MEI1: variants seen among roughly 807,000 people sequenced by gnomAD.
MEI1 encodes the protein meiotic double-stranded break formation protein 1, also known as meiosis inhibitor protein 1.
Under a neutral mutation model 146.2 loss-of-function variants are expected in MEI1, and 103 were observed. That is an observed-to-expected ratio of 0.70 (90% CI 0.60 to 0.83). The LOEUF (loss-of-function observed/expected upper bound fraction) is 0.83, where lower values mean the gene tolerates loss of function less well. Among genes scored for constraint, MEI1 ranks in the 40% least tolerant of loss-of-function variants. The probability of loss-of-function intolerance (pLI) is 0.00; values close to 1 mark genes in which losing one functional copy is unlikely to be tolerated. For missense variants in MEI1, 1,529 were observed against 1,533.0 expected, an observed-to-expected ratio of 1.00 and a Z score of 0.04; for synonymous variants, 652 against 628.2, an observed-to-expected ratio of 1.04 and a Z score of -0.57.
intron 17 of MEI1, 40 bp downstream of exon 17, chr22:41,754,086 G>A (rs774920697): frequency 5.3e-5 from 76 of 1,446,532 alleles, no homozygotes; most frequent in Non-Finnish European, 7.2e-5. Context: ...GGCCTGTGCT[G>A]GTCTTTAGAG....
intron 12 of MEI1, among the ~76,000 whole-genome samples, chr22:41,744,048 T>C (rs1221217007): frequency 6.6e-6 from 1 of 151,814 alleles, no homozygotes; most frequent in Non-Finnish European, 1.5e-5. Context: ...GGCTAATTTT[T>C]GTAATTTTAG....
chr22:41,721,247 T>TTTTTTTTA, intron 6 of MEI1, among the ~76,000 whole-genome samples: 1 of 140,146 alleles, frequency 7.1e-6, no homozygotes, highest in African/African-American at 2.7e-5. Context: ...CTTTTTTTTT[T>TTTTTTTTA]TTTTTTTTTT....
chr22:41,777,092 C>T (rs2075480577), intron 21 of MEI1, among the ~76,000 whole-genome samples: 1 of 151,556 alleles, frequency 6.6e-6, no homozygotes, highest in African/African-American at 2.4e-5. Context: ...GGTTGGATTA[C>T]AGGGGTGAGC....
Position 41,740,521 on chromosome 22 carries a change from C to T in MEI1, c.1332-2559C>T, listed in dbSNP as rs190768084. Among the ~76,000 whole-genome samples the T allele has an allele frequency of 1.6e-3, 245 of 152,080 alleles. 1 individual carries two copies. Among genetic ancestry groups the T allele is most frequent in the African/African-American group, 3.5e-3 (147 of 41,486 alleles). On this transcript the variant is annotated intron_variant, in intron 11 of 30. Coordinates refer to ENST00000401548, the MANE Select transcript of MEI1 (RefSeq NM_152513.4). ...CTTTGGGAGGCTGAGGCTGGAGGAT[C>T]GCTTCAGCTCAGGAATTTGAGACTA...
intron 11 of MEI1, among the ~76,000 whole-genome samples, chr22:41,738,443 TG>T (rs1157672572): frequency 6.6e-6 from 1 of 152,070 alleles, no homozygotes; most frequent in Non-Finnish European, 1.5e-5. Flanking sequence ...AAAAATTAGC[TG>T]AGCACAGTGG....
At chr22:41,774,650 A>G (rs1204610910) in intron 20 of MEI1, among the ~76,000 whole-genome samples, 1 of 152,152 alleles carries the variant, frequency 6.6e-6, no homozygotes, top group Non-Finnish European at 1.5e-5. Flanking sequence ...TTAATTTACA[A>G]CTTTATTACT....
At chr22:41,779,948 C>T (rs915166343) in intron 22 of MEI1, among the ~76,000 whole-genome samples, 1 of 152,164 alleles carries the variant, frequency 6.6e-6, no homozygotes, top group Non-Finnish European at 1.5e-5. Context: ...TTTGTGGACC[C>T]CCCAGCTCCT....
chr22:41,708,814 A>C (rs2069305585), intron 3 of MEI1, among the ~76,000 whole-genome samples: 1 of 152,204 alleles, frequency 6.6e-6, no homozygotes, highest in Admixed American at 6.5e-5. Flanking sequence ...ACTGGTAACC[A>C]ATGATTAGGG....
At chr22:41,762,709 C>T (rs568610433) in intron 18 of MEI1, among the ~76,000 whole-genome samples, 6 of 152,012 alleles carry the variant, frequency 3.9e-5, no homozygotes, top group Admixed American at 2.0e-4. Context: ...TTAGTGGTAT[C>T]TTTTAAGCAC....
intron 24 of MEI1, 24 bp from the exon 25 acceptor site, chr22:41,784,315 G>T (rs770890695): frequency 1.9e-6 from 3 of 1,607,760 alleles, no homozygotes; most frequent in Non-Finnish European, 2.6e-6. Context: ...ATGGGGGTTA[G>T]CCCTTTACCC....
intron 20 of MEI1, 83 bp downstream of exon 20, chr22:41,771,044 AC>A: frequency 6.8e-7 from 1 of 1,467,038 alleles, no homozygotes; most frequent in Non-Finnish European, 9.2e-7. Flanking sequence ...GTCAGGAGGC[AC>A]CCACATCTGC....
At chr22:41,798,396 G>A (rs1409931682) in intron 30 of MEI1, among the ~76,000 whole-genome samples, 2 of 152,088 alleles carry the variant, frequency 1.3e-5, no homozygotes, top group Admixed American at 6.6e-5. Context: ...GGCCAACATG[G>A]TGAAACCCCA....
rs372485726 is a variant in MEI1 at position 41,724,092 on chromosome 22, C to T, written c.864+19C>T. 2 of 1,613,342 alleles carry T rather than the reference C, an allele frequency of 1.2e-6. No individual in the cohort carries two copies. The highest frequency in any genetic ancestry group is 2.7e-5 in the African/African-American group (2 of 74,906). On this transcript the variant is annotated intron_variant, in intron 7 of 30. Coordinates refer to ENST00000401548, the MANE Select transcript of MEI1 (RefSeq NM_152513.4). Reference sequence around the variant, plus strand: ...CAAAAAGGTAGTTGTCTTGTGATTCCTGGTCTCTAGGTTCAATAACAAGGG... The same window carrying T: ...CAAAAAGGTAGTTGTCTTGTGATTCTTGGTCTCTAGGTTCAATAACAAGGG...
intron 18 of MEI1, among the ~76,000 whole-genome samples, chr22:41,760,761 G>A (rs1174985601): frequency 5.3e-5 from 8 of 152,196 alleles, no homozygotes; most frequent in Admixed American, 2.6e-4. Context: ...CGTGGCAGGG[G>A]CTGCATGCAC....
At chr22:41,744,023 T>C (rs1173998311) in intron 12 of MEI1, among the ~76,000 whole-genome samples, 1 of 148,564 alleles carries the variant, frequency 6.7e-6, no homozygotes, top group Non-Finnish European at 1.5e-5. Context: ...ATTACAGGCA[T>C]GCACCACCAC....
At chr22:41,773,379 G>A (rs1443472453) in intron 20 of MEI1, among the ~76,000 whole-genome samples, 1 of 152,088 alleles carries the variant, frequency 6.6e-6, no homozygotes, top group Non-Finnish European at 1.5e-5. Context: ...AACACTCTTG[G>A]TTTGCTTCAC....
intron 11 of MEI1, among the ~76,000 whole-genome samples, chr22:41,737,588 C>T (rs1336799963): frequency 6.6e-6 from 1 of 151,910 alleles, no homozygotes; most frequent in Admixed American, 6.6e-5. Flanking sequence ...GTCACCCAGG[C>T]TGGAGTGCAG....
At chr22:41,739,544 G>A (rs905635757) in intron 11 of MEI1, among the ~76,000 whole-genome samples, 2 of 132,264 alleles carry the variant, frequency 1.5e-5, no homozygotes, top group Non-Finnish European at 3.0e-5. Context: ...CTCTAGGTTG[G>A]TTCTAAAAAT....
rs192797900 is a variant in MEI1 at position 41,781,215 on chromosome 22, G to A, written c.2816-69G>A. On this transcript the variant is annotated intron_variant, in intron 22 of 30. Transcript: ENST00000401548. ...AGACTGACATCTGAAATAGCCAGTC[G>A]CAGGCTACCACCTATGACAAGTGTG... 1.3e-3 allele frequency: 1,479 copies of A among 1,110,386 alleles called. 1 individual carries two copies. Among genetic ancestry groups the A allele is most frequent in the Non-Finnish European group, 1.8e-3 (1,321 of 749,926 alleles). 68.8% of individuals were successfully genotyped at this position (1,110,386 alleles called of 1,614,324 possible).
Sources: gnomAD v4.1 joint callset for allele counts (sites outside exome capture counted in the v4.1 genomes callset) on GRCh38, gnomAD v4.1.1 for gene constraint, MANE v1.5 for transcripts, NCBI Gene and HGNC (gene_info 2026-07-23, HGNC 2026-07-21) for gene names.